The following ARSG variants were observed in gnomAD, a reference collection of about 807,000 sequenced individuals.
ARSG encodes the protein arylsulfatase G, also known as ASG.
ARSG carries 37 observed loss-of-function variants against 50.5 expected under a neutral mutation model. The observed-to-expected ratio is 0.73, with a 90% CI of 0.56 to 0.96. ARSG has a LOEUF of 0.96. ARSG is among the 50% of genes least tolerant of loss of function. The pLI is 0.00. For synonymous variants in ARSG, 225 were observed against 254.6 expected, an observed-to-expected ratio of 0.88 and a Z score of 1.11; for missense variants, 629 against 675.3, an observed-to-expected ratio of 0.93 and a Z score of 0.76.
At chr17:68,326,331 A>G (rs2077502216) in intron 2 of ARSG, among the ~76,000 whole-genome samples, 1 of 152,220 alleles carries the variant, frequency 6.6e-6, no homozygotes, top group Non-Finnish European at 1.5e-5. Flanking sequence ...CAGAGGGAAC[A>G]CAAAAAGGGC....
rs374793290 is a variant in ARSG at position 68,351,548 on chromosome 17, G to C, written c.455-27G>C. ...GCACATGGAGTCGCAGCCACGTGGG[G>C]GTGCTAACCGGTTGCTTCTATTCCA... On this transcript the variant is annotated intron_variant, in intron 4 of 11. Coordinates refer to ENST00000621439, the MANE Select transcript of ARSG (RefSeq NM_001267727.2). The C allele has an allele frequency of 3.0e-6, 4 of 1,339,980 alleles. No homozygotes were observed. The African/African-American group carries it at 5.8e-5, about 19-fold the overall frequency. 83.0% of individuals were successfully genotyped at this position (1,339,980 alleles called of 1,614,324 possible).
the ARSG span, chr17:68,434,736 G>T: frequency 2.8e-6 from 3 of 1,069,194 alleles, no homozygotes; most frequent in Non-Finnish European, 4.1e-6. Context: ...CTCTGAGGAG[G>T]AAGAACACCA....
chr17:68,331,614 G>T (rs374817113), intron 2 of ARSG, among the ~76,000 whole-genome samples: 1 of 152,078 alleles, frequency 6.6e-6, no homozygotes, highest in South Asian at 2.1e-4. Flanking sequence ...CGCCTACCTC[G>T]GCTTCCCAAA....
intron 1 of ARSG, among the ~76,000 whole-genome samples, chr17:68,262,420 A>C (rs1169412382): frequency 6.6e-6 from 1 of 152,092 alleles, no homozygotes; most frequent in Non-Finnish European, 1.5e-5. Flanking sequence ...GCAGTGAGCC[A>C]AGATTGCACC....
chr17:68,372,638 G>C (rs2079905918), intron 8 of ARSG, among the ~76,000 whole-genome samples: 1 of 152,036 alleles, frequency 6.6e-6, no homozygotes, highest in African/African-American at 2.4e-5. Flanking sequence ...CTTCCACCAG[G>C]CCCCTCCTCC....
At chr17:68,379,840 C>T (rs2080343251) in intron 8 of ARSG, 1 of 985,276 alleles carries the variant, frequency 1.0e-6, no homozygotes, top group African/African-American at 1.7e-5. Flanking sequence ...TATTTTCTCC[C>T]TACAGGTAAT....
At chr17:68,311,134 CA>C in intron 2 of ARSG, among the ~76,000 whole-genome samples, 1 of 152,328 alleles carries the variant, frequency 6.6e-6, no homozygotes, top group Non-Finnish European at 1.5e-5. Flanking sequence ...CCAGCCCGGG[CA>C]ACAGACTGAG....
chr17:68,440,291 A>G, the ARSG span, among the ~76,000 whole-genome samples: 347 of 152,362 alleles, frequency 2.3e-3, 12 homozygotes, highest in East Asian at 0.062. Flanking sequence ...CCAACGAGCC[A>G]CACGAATGTA....
chr17:68,275,420 C>T (rs1555750568), intron 1 of ARSG, among the ~76,000 whole-genome samples: 1 of 152,064 alleles, frequency 6.6e-6, no homozygotes, highest in Non-Finnish European at 1.5e-5. Flanking sequence ...GGATGTAGCT[C>T]ATAATAAAAC....
intron 11 of ARSG, among the ~76,000 whole-genome samples, 164 bp from the exon 12 acceptor site, chr17:68,420,025 A>G (rs1484035884): frequency 6.6e-6 from 1 of 152,190 alleles, no homozygotes; most frequent in Non-Finnish European, 1.5e-5. Flanking sequence ...TGGAAGGAGC[A>G]AATAGATTCT....
downstream of ARSG, chr17:68,422,394 A>C (rs1174323290): frequency 6.8e-6 from 1 of 148,024 alleles, no homozygotes; most frequent in Non-Finnish European, 1.5e-5. Context: ...GCACCACTGC[A>C]CTCCAGCCTG....
chr17:68,320,426 T>C (rs2077238137), intron 2 of ARSG, among the ~76,000 whole-genome samples: 1 of 149,818 alleles, frequency 6.7e-6, no homozygotes, highest in Non-Finnish European at 1.5e-5. Flanking sequence ...GAGAGGAGAG[T>C]GTTGTAGGCA....
At chr17:68,261,768 A>G (rs1568395276) in intron 1 of ARSG, among the ~76,000 whole-genome samples, 1 of 152,218 alleles carries the variant, frequency 6.6e-6, no homozygotes, top group Admixed American at 6.6e-5. Context: ...GAAGGGTCAC[A>G]CTGCATACAC....
At chr17:68,335,327 G>C (rs1013765265) in intron 2 of ARSG, among the ~76,000 whole-genome samples, 1 of 152,130 alleles carries the variant, frequency 6.6e-6, no homozygotes, top group South Asian at 2.1e-4. Flanking sequence ...GCCGAGACGG[G>C]TGGATCGCAA....
chr17:68,342,878 C>T (rs1217017692), intron 2 of ARSG, among the ~76,000 whole-genome samples: 3 of 152,228 alleles, frequency 2.0e-5, no homozygotes, highest in Non-Finnish European at 4.4e-5. Flanking sequence ...TCACCTCCTT[C>T]AGCCTCCACT....
chr17:68,385,220 A>G lies in ARSG; in HGVS notation c.1091+48A>G, dbSNP rs1480388185. 3 of 1,555,452 alleles carry G rather than the reference A, an allele frequency of 1.9e-6. No individual in the cohort carries two copies. In the African/African-American group the frequency reaches 4.1e-5, roughly 21 times the overall value. On this transcript the variant is annotated intron_variant, in intron 9 of 11. Transcript: ENST00000621439. The stretch of plus-strand genomic sequence containing the variant: ...AGATGTTGGGGCCCAGAGCAAGAAA[A>G]GTCATGGAGGCATGGGTGGCTAGAT...
chr17:68,325,039 A>G (rs1421702643), intron 2 of ARSG, among the ~76,000 whole-genome samples: 6 of 152,134 alleles, frequency 3.9e-5, no homozygotes, highest in African/African-American at 1.2e-4. Context: ...TGGATCACCT[A>G]CAGCAGGGGT....
intron 8 of ARSG, among the ~76,000 whole-genome samples, chr17:68,377,489 G>A (rs929923052): frequency 1.3e-5 from 2 of 152,200 alleles, no homozygotes; most frequent in Admixed American, 6.5e-5. Flanking sequence ...TCTTGACTCA[G>A]CTCAGGGCTC....
intron 2 of ARSG, among the ~76,000 whole-genome samples, chr17:68,321,400 C>CT (rs1288397783): frequency 6.6e-6 from 1 of 152,142 alleles, no homozygotes; most frequent in African/African-American, 2.4e-5. Flanking sequence ...CTGGGCTGAG[C>CT]TGGTTCTCTG....
Sources: allele counts gnomAD v4.1 joint callset (sites outside exome capture counted in the v4.1 genomes callset), GRCh38; gene constraint gnomAD v4.1.1; transcripts MANE v1.5; gene names NCBI Gene and HGNC (gene_info 2026-07-23, HGNC 2026-07-21).